PLG: variants seen among roughly 807,000 people sequenced by gnomAD.
The protein encoded by PLG is plasmin.
A neutral mutation model predicts 104.4 loss-of-function variants in PLG; 41 were observed. The observed-to-expected ratio is 0.39, with a 90% CI of 0.31 to 0.51. The LOEUF is 0.51. Ranked by LOEUF, PLG falls within the 20% of genes least tolerant of loss-of-function variation. The pLI is 0.76. For missense variants in PLG, 891 were observed against 1,003.6 expected (o/e 0.89, Z 1.52); for synonymous variants, 337 against 357.1 (o/e 0.94, Z 0.63).
In PLG at chr6:160,752,979, G is replaced by A; in HGVS notation, c.2351G>A (p.Cys784Tyr). The change falls in exon 19 of 19, where the codon TGT becomes TAT. Residue 784 changes from cysteine to tyrosine, a missense_variant. By Grantham distance (194) the Cys-to-Tyr change is radical (BLOSUM62 -2). Around this residue, in one of 2 missense-constraint regions of PLG, gnomAD observed 37 missense variants for 71.5 expected, o/e 0.52. Transcript: ENST00000308192. The surrounding 1 kb of genome is among the most constrained non-coding windows in gnomAD (Gnocchi z 4.7). ...GGAGTCACTTCTTGGGGTCTTGGCT[G>A]TGCACGCCCCAATAAGCCTGGTGTC... ...LQGVTSWGLG[C>Y]ARPNKPGVYV... 6.2e-7 allele frequency: 1 copy of A among 1,612,178 alleles called. No homozygotes were observed. Among genetic ancestry groups the A allele is most frequent in the Non-Finnish European group, 8.5e-7 (1 of 1,178,516 alleles).
At chr6:160,748,750 G>C (rs1227497934) in intron 17 of PLG, among the ~76,000 whole-genome samples, 1 of 152,164 alleles carries the variant, frequency 6.6e-6, no homozygotes, top group Non-Finnish European at 1.5e-5. Flanking sequence ...CATGGCCCCA[G>C]ACCCTGTCCA....
Position 160,724,187 on chromosome 6 carries a change from A to G in PLG, c.1256+1620A>G, listed in dbSNP as rs1269753991. Among the ~76,000 whole-genome samples, 1 of 152,090 alleles carries G rather than the reference A, an allele frequency of 6.6e-6. No individual in the cohort carries two copies. The highest frequency in any genetic ancestry group is 6.6e-5 in the Admixed American group (1 of 15,252). On this transcript the variant is annotated intron_variant, in intron 10 of 18. Coordinates refer to ENST00000308192, the MANE Select transcript of PLG (RefSeq NM_000301.5). This position sits in a 1 kb window ranked among gnomAD's most constrained non-coding sequence, Gnocchi z 5.0. ...TGAAGAAATTGGCAAGAAGATTTGAAATATATATATATCATAATTGTGTTC... is the reference window on the plus strand; with the variant it reads ...TGAAGAAATTGGCAAGAAGATTTGAGATATATATATATCATAATTGTGTTC...
At chr6:160,711,777 G>A in intron 4 of PLG, 4 of 1,588,132 alleles carry the variant, frequency 2.5e-6, no homozygotes, top group Non-Finnish European at 2.6e-6. Flanking sequence ...GACTATGTTT[G>A]GGACTGAAGT....
At position 160,734,064 on chromosome 6, in the gene PLG, G is replaced by C. The variant is rs182937977; in HGVS notation, c.1657G>C (p.Asp553His). ...CACGACAAATCCAAGAAAACTTTAC[G>C]ACTACTGTGATGTCCCTCAGTGTGG... ...CYTTNPRKLY[D>H]YCDVPQCAAP... The change falls in exon 13 of 19, where the codon GAC becomes CAC. Residue 553 changes from aspartate to histidine, a missense_variant. Coordinates refer to ENST00000308192, the MANE Select transcript of PLG (RefSeq NM_000301.5). The surrounding 1 kb of genome is among the most constrained non-coding windows in gnomAD (Gnocchi z 4.4). 2.5e-6 allele frequency: 4 copies of C among 1,603,986 alleles called. No individual in the cohort carries two copies. Among genetic ancestry groups the C allele is most frequent in the African/African-American group, 1.3e-5 (1 of 74,684 alleles).
rs1777702515 is a variant in PLG, at chr6:160,714,783, A to G, written c.548-11A>G. On this transcript the variant is annotated splice_polypyrimidine_tract_variant and intron_variant, in intron 5 of 18. Transcript: ENST00000308192. ...TTCTTCCTCTCTGTCCTTCCTTCCCACTCTGTCCAGAGGAATGTATGCATT... is the reference window on the plus strand; with the variant it reads ...TTCTTCCTCTCTGTCCTTCCTTCCCGCTCTGTCCAGAGGAATGTATGCATT... The G allele has an allele frequency of 6.2e-7, 1 of 1,613,160 alleles. No homozygotes were observed. The highest frequency in any genetic ancestry group is 1.1e-5 in the South Asian group (1 of 91,036).
At chr6:160,711,501 G>A in intron 4 of PLG, 1 of 1,445,748 alleles carries the variant, frequency 6.9e-7, no homozygotes, top group South Asian at 1.3e-5. Context: ...TTGTGGATCT[G>A]GAACCCATGG....
At position 160,731,357 on chromosome 6, in the gene PLG, T is replaced by C. The variant is rs1021208150; in HGVS notation, c.1438+125T>C. 11 of 900,374 alleles carry C rather than the reference T, an allele frequency of 1.2e-5. No individual in the cohort carries two copies. The highest frequency in any genetic ancestry group is 1.8e-5 in the Non-Finnish European group (10 of 560,426). The allele number at this position is 900,374 out of a possible 1,614,324, so 55.8% of individuals were successfully genotyped here. A position where few individuals can be genotyped will look rare whatever the true frequency, so the allele number is the denominator to read the frequency against. On this transcript the variant is annotated intron_variant, in intron 11 of 18. Transcript: ENST00000308192. This position sits in a 1 kb window ranked among gnomAD's most constrained non-coding sequence, Gnocchi z 5.1. ...TCAAGTGTTTTTAGAGGGTCTGCCA[T>C]GTGGAAGGAAGCCTCAGTGCACTCT...
intron 3 of PLG, among the ~76,000 whole-genome samples, chr6:160,710,721 C>A (rs546545359): frequency 6.6e-6 from 1 of 152,154 alleles, no homozygotes; most frequent in Non-Finnish European, 1.5e-5. Flanking sequence ...TATGTATCAT[C>A]ATTAAGTGAT....
At chr6:160,721,434 T>C (rs1253112704) in intron 9 of PLG, among the ~76,000 whole-genome samples, 5 of 152,230 alleles carry the variant, frequency 3.3e-5, no homozygotes. Flanking sequence ...AATTGGGATT[T>C]GTGATTGCTA....
At chr6:160,742,755 T>G (rs1473969388) in intron 17 of PLG, among the ~76,000 whole-genome samples, 1 of 152,134 alleles carries the variant, frequency 6.6e-6, no homozygotes, top group Non-Finnish European at 1.5e-5. Flanking sequence ...ACCTAGGTTG[T>G]CTTCCAGGAT....
chr6:160,708,532 A>G (rs1026496788), intron 3 of PLG: 1 of 152,248 alleles, frequency 6.6e-6, no homozygotes, highest in African/African-American at 2.4e-5. Context: ...ATATCCCATC[A>G]AGTATAAATA....
rs933094769 is a variant in PLG at position 160,731,875 on chromosome 6, G to A, written c.1569G>A (p.Arg523=). Residue 523 remains arginine (R), a synonymous_variant, in exon 12 of 19, where the codon CGG becomes CGA. Transcript: ENST00000308192. The surrounding 1 kb of genome is among the most constrained non-coding windows in gnomAD (Gnocchi z 5.1). The part of the protein sequence containing the change: ...HSIFTPETNP[R]AGLEKNYCRN... ...TTTTCACTCCAGAGACAAATCCACG[G>A]GCGGGTCTGGAAAAAAATGTAAGCC... 1 of 1,614,056 alleles carries A rather than the reference G, an allele frequency of 6.2e-7. No individual in the cohort carries two copies. The highest frequency in any genetic ancestry group is 8.5e-7 in the Non-Finnish European group (1 of 1,179,990).
chr6:160,716,527 C>A (rs1412784675), intron 6 of PLG, 118 bp from the exon 7 acceptor site: 7 of 745,836 alleles, frequency 9.4e-6, no homozygotes, highest in Non-Finnish European at 1.5e-5. Context: ...ATCTGATTAC[C>A]TCCTCCATGC....
intron 6 of PLG, among the ~76,000 whole-genome samples, chr6:160,715,119 A>T (rs1460570323): frequency 6.6e-6 from 1 of 152,174 alleles, no homozygotes; most frequent in Non-Finnish European, 1.5e-5. Context: ...AGCAGCAGGG[A>T]TGTTTTCTGA....
chr6:160,748,385 A>AG (rs1562383397), intron 17 of PLG, among the ~76,000 whole-genome samples: 7 of 50,942 alleles, frequency 1.4e-4, no homozygotes, highest in Non-Finnish European at 2.4e-4. Flanking sequence ...AGAAAGAAAG[A>AG]AAGAAAGAAA....
chr6:160,713,273 A>T (rs528521448), intron 5 of PLG, 148 bp downstream of exon 5: 8,558 of 586,306 alleles, frequency 0.015, 182 homozygotes, highest in South Asian at 0.051. Flanking sequence ...ATTAACCTGA[A>T]TTTTTTTTTT....
In PLG at chr6:160,707,776, A is replaced by G; in HGVS notation, c.262A>G (p.Met88Val). ...CAGGAAGTCCTCCATAATCATTAGG[A>G]TGAGAGATGTAGTTTTATTTGAAAA... ...ENRKSSIIIRMRDVVLFEKKV... is the reference protein window; with the variant it reads ...ENRKSSIIIRVRDVVLFEKKV... The change falls in exon 3 of 19, where the codon ATG becomes GTG. Residue 88 changes from methionine (M) to valine (V), a missense_variant. By Grantham distance (21) the Met-to-Val change is conservative (BLOSUM62 1). Coordinates refer to ENST00000308192, the MANE Select transcript of PLG (RefSeq NM_000301.5). The G allele has an allele frequency of 1.2e-6, 2 of 1,611,430 alleles. No homozygotes were observed. The highest frequency in any genetic ancestry group is 8.5e-7 in the Non-Finnish European group (1 of 1,179,386).
intron 17 of PLG, among the ~76,000 whole-genome samples, chr6:160,742,842 G>A (rs191395955): frequency 3.2e-4 from 49 of 152,180 alleles, no homozygotes; most frequent in Admixed American, 2.6e-3. Context: ...AAGGAAAGGG[G>A]TCCAGTTTCC....
intron 4 of PLG, among the ~76,000 whole-genome samples, chr6:160,712,515 T>C (rs1451553652): frequency 6.6e-6 from 1 of 152,228 alleles, no homozygotes; most frequent in African/African-American, 2.4e-5. Context: ...TTTTCTCATC[T>C]GTAAAATAGG....
Sources: gnomAD v4.1 joint callset for allele counts (sites outside exome capture counted in the v4.1 genomes callset) on GRCh38, gnomAD v4.1.1 for gene constraint, gnomAD v4.1.1 regional missense constraint, Gnocchi (gnomAD v3.1) non-coding constraint, MANE v1.5 for transcripts, NCBI Gene and HGNC (gene_info 2026-07-23, HGNC 2026-07-21) for gene names.